NSD2: variants seen among roughly 807,000 people sequenced by gnomAD.
NSD2 encodes the protein histone-lysine N-methyltransferase NSD2.
In NSD2, 12 loss-of-function variants were observed where a neutral mutation model predicts 139.0. The observed-to-expected ratio is 0.09, with a 90% CI of 0.06 to 0.14. The LOEUF (loss-of-function observed/expected upper bound fraction) is 0.14, where lower values mean the gene tolerates loss of function less well. Ranked by LOEUF, NSD2 falls within the 10% of genes least tolerant of loss-of-function variation. The pLI is 1.00. For missense variants in NSD2, 1,155 were observed against 1,745.0 expected (o/e 0.66, Z 6.02); for synonymous variants, 669 against 648.7 (o/e 1.03, Z -0.48).
At position 1,974,849 on chromosome 4, in the gene NSD2, ACT is replaced by A; in HGVS notation, c.3373-13_3373-12del. 2 of 1,614,066 alleles carry A rather than the reference ACT, an allele frequency of 1.2e-6. No homozygotes were observed. The highest frequency in any genetic ancestry group is 2.2e-5 in the South Asian group (2 of 91,074). On this transcript the variant is annotated splice_polypyrimidine_tract_variant and intron_variant, in intron 18 of 21. Coordinates refer to ENST00000508803, the MANE Select transcript of NSD2 (RefSeq NM_001042424.3). This position sits in a 1 kb window ranked among gnomAD's most constrained non-coding sequence, Gnocchi z 4.0. ...TTGCTAACACTTGACCGAATATATCACTTGACCTTACAGGACCGTATAATAGA... is the reference window on the plus strand; with the variant it reads ...TTGCTAACACTTGACCGAATATATCATGACCTTACAGGACCGTATAATAGA...
Position 1,974,754 on chromosome 4 carries a change from TACA to T in NSD2, c.3373-104_3373-102del, listed in dbSNP as rs769788717. 2.1e-5 allele frequency: 31 copies of T among 1,504,120 alleles called. No homozygotes were observed. Among genetic ancestry groups the T allele is most frequent in the South Asian group, 1.9e-4 (17 of 87,978 alleles). 93.2% of individuals were successfully genotyped at this position (1,504,120 alleles called of 1,614,324 possible). Reference sequence around the variant, plus strand: ...GGACACAGGACACCACGGTTTTCAGTACAACAAGGAACACAACTTGTTCAATGT... The same window carrying T: ...GGACACAGGACACCACGGTTTTCAGTACAAGGAACACAACTTGTTCAATGT... On this transcript the variant is annotated intron_variant, in intron 18 of 21. Transcript: ENST00000508803. This position sits in a 1 kb window ranked among gnomAD's most constrained non-coding sequence, Gnocchi z 4.0.
At position 1,948,475 on chromosome 4, in the gene NSD2, C is replaced by T; in HGVS notation, c.1882-2597C>T. 9.4e-7 allele frequency: 1 copy of T among 1,065,530 alleles called. No homozygotes were observed. The highest frequency in any genetic ancestry group is 1.1e-6 in the Non-Finnish European group (1 of 878,516). 66.0% of individuals were successfully genotyped at this position (1,065,530 alleles called of 1,614,324 possible). A position where few individuals can be genotyped will look rare whatever the true frequency, so the allele number is the denominator to read the frequency against. On this transcript the variant is annotated intron_variant, in intron 9 of 21. Transcript: ENST00000508803. The surrounding 1 kb of genome is among the most constrained non-coding windows in gnomAD (Gnocchi z 4.5). ...CTGTGGGACGCCCTCGTACTTTGCT[C>T]TCCTTGCGGGTGGTTGCCGAGCCGA... is the stretch of plus-strand genomic sequence containing the variant.
chr4:1,925,389 C>CTTTTTTTTTTTTTTTTTT (rs34335852), intron 5 of NSD2, among the ~76,000 whole-genome samples: 5 of 37,998 alleles, frequency 1.3e-4, no homozygotes, highest in East Asian at 1.2e-3. Context: ...CTTTTTCTTT[C>CTTTTTTTTTTTTTTTTTT]TTTTTTTTTT....
chr4:1,952,828 C>T (rs1724419190), intron 11 of NSD2: 1 of 1,216,922 alleles, frequency 8.2e-7, no homozygotes, highest in East Asian at 3.9e-5. Flanking sequence ...CCTGCCTACT[C>T]ACCGGGCCCA....
rs966078284 is a variant in NSD2, at chr4:1,974,089, C to T, written c.3373-774C>T. On this transcript the variant is annotated intron_variant, in intron 18 of 21. Transcript: ENST00000508803. This position sits in a 1 kb window ranked among gnomAD's most constrained non-coding sequence, Gnocchi z 4.0. ...CCACCCCTCATCTCAGCCAACGCCA[C>T]ATCAGCGCCATGGGTGCAAAGTCAG... is the stretch of plus-strand genomic sequence containing the variant. Among the ~76,000 whole-genome samples the T allele has an allele frequency of 1.8e-4, 27 of 152,224 alleles. No homozygotes were observed. Among genetic ancestry groups the T allele is most frequent in the African/African-American group, 6.0e-4 (25 of 41,462 alleles).
At chr4:1,951,236 C>T (rs1488958624) in intron 10 of NSD2, 33 bp downstream of exon 10, 4 of 1,612,688 alleles carry the variant, frequency 2.5e-6, no homozygotes, top group Non-Finnish European at 3.4e-6. Flanking sequence ...TATGTCCGTG[C>T]TGGTGTCTGA....
At chr4:1,909,127 A>G (rs888260963) in intron 3 of NSD2, among the ~76,000 whole-genome samples, 2 of 152,046 alleles carry the variant, frequency 1.3e-5, no homozygotes, top group African/African-American at 4.8e-5. Context: ...CATTGTCCCA[A>G]ATTTGACCAG....
chr4:1,978,974 G>T lies in NSD2; in HGVS notation c.*65G>T. ...GGCGGCCGGCCCTGCCTGCGGGAGA[G>T]GGCGAGCATGAACTGGCCCGGAGGA... On this transcript the variant is annotated 3_prime_UTR_variant, in exon 22 of 22. Transcript: ENST00000508803. 1 of 1,439,144 alleles carries T rather than the reference G, an allele frequency of 6.9e-7. No homozygotes were observed. The highest frequency in any genetic ancestry group is 1.5e-5 in the South Asian group (1 of 66,104). The allele number at this position is 1,439,144 out of a possible 1,614,324, so 89.1% of individuals were successfully genotyped here.
chr4:1,896,068 G>T (rs1360812610), intron 1 of NSD2, among the ~76,000 whole-genome samples: 1 of 152,256 alleles, frequency 6.6e-6, no homozygotes, highest in Non-Finnish European at 1.5e-5. Flanking sequence ...AGGATGAGTG[G>T]TAGAGGCTCT....
chr4:1,961,903 A>G (rs1725411259), intron 18 of NSD2, among the ~76,000 whole-genome samples: 1 of 152,218 alleles, frequency 6.6e-6, no homozygotes, highest in Non-Finnish European at 1.5e-5. Flanking sequence ...AGGGAGATAG[A>G]ATACATGTTT....
In NSD2 at chr4:1,962,501, AACTT is replaced by A. The variant is rs1456320446; in HGVS notation, c.3372+1355_3372+1358del. Among the ~76,000 whole-genome samples, 5 of 152,346 alleles carry A rather than the reference AACTT, an allele frequency of 3.3e-5. No individual in the cohort carries two copies. In the East Asian group the frequency reaches 7.7e-4, roughly 23 times the overall value. On this transcript the variant is annotated intron_variant, in intron 18 of 21. Coordinates refer to ENST00000508803, the MANE Select transcript of NSD2 (RefSeq NM_001042424.3). The stretch of plus-strand genomic sequence containing the variant: ...TTAGGGTCAGATGTCAGATATTCGT[AACTT>A]ACTTTCAAAGGATCGGGAAAAAATT...
intron 5 of NSD2, among the ~76,000 whole-genome samples, chr4:1,921,614 TCTA>T (rs1452166900): frequency 6.6e-6 from 1 of 151,770 alleles, no homozygotes; most frequent in Non-Finnish European, 1.5e-5. Flanking sequence ...AAACCCCGTC[TCTA>T]CTAAAAATAC....
Position 1,973,290 on chromosome 4 carries a change from G to T in NSD2, c.3373-1573G>T, listed in dbSNP as rs190432487. Among the ~76,000 whole-genome samples the T allele has an allele frequency of 1.3e-5, 2 of 152,180 alleles. No individual in the cohort carries two copies. Among genetic ancestry groups the T allele is most frequent in the African/African-American group, 2.4e-5 (1 of 41,444 alleles). ...TAAGAAGGAAGTGGCACTGGGCCCC[G>T]CTGGTAATGGTAGGAATGTAGGTTA... On this transcript the variant is annotated intron_variant, in intron 18 of 21. Coordinates refer to ENST00000508803, the MANE Select transcript of NSD2 (RefSeq NM_001042424.3). This position sits in a 1 kb window ranked among gnomAD's most constrained non-coding sequence, Gnocchi z 5.5.
intron 1 of NSD2, among the ~76,000 whole-genome samples, chr4:1,889,505 T>A (rs1392053408): frequency 7.0e-6 from 1 of 143,644 alleles, no homozygotes; most frequent in Non-Finnish European, 1.5e-5. Flanking sequence ...AAGATTTGAC[T>A]TTTTTTTTTT....
At chr4:1,911,534 C>T (rs1436847155) in intron 3 of NSD2, among the ~76,000 whole-genome samples, 1 of 146,958 alleles carries the variant, frequency 6.8e-6, no homozygotes, top group Non-Finnish European at 1.5e-5. Context: ...GTTGCAGTGA[C>T]CCGAGATCGC....
chr4:1,976,369 C>A lies in NSD2; in HGVS notation c.3622-106C>A. 8.0e-7 allele frequency: 1 copy of A among 1,255,860 alleles called. No homozygotes were observed. The highest frequency in any genetic ancestry group is 1.1e-6 in the Non-Finnish European group (1 of 893,878). 77.8% of individuals were successfully genotyped at this position (1,255,860 alleles called of 1,614,324 possible). On this transcript the variant is annotated intron_variant, in intron 20 of 21. Coordinates refer to ENST00000508803, the MANE Select transcript of NSD2 (RefSeq NM_001042424.3). This position sits in a 1 kb window ranked among gnomAD's most constrained non-coding sequence, Gnocchi z 5.3. The stretch of plus-strand genomic sequence containing the variant: ...TCTCCTCTCCTCTTAGTGTTGGGCA[C>A]CTGCAGAGATCTCTGAAGTTCCTGG...
chr4:1,915,772 C>T (rs1377936326), intron 3 of NSD2, among the ~76,000 whole-genome samples: 1 of 152,112 alleles, frequency 6.6e-6, no homozygotes, highest in Non-Finnish European at 1.5e-5. Context: ...AGAGGTTTTT[C>T]CTCTGGAGCA....
chr4:1,911,908 T>C (rs1336985771), intron 3 of NSD2, among the ~76,000 whole-genome samples: 1 of 152,220 alleles, frequency 6.6e-6, no homozygotes, highest in Non-Finnish European at 1.5e-5. Context: ...GTAAGGAGCA[T>C]TTATCTGTGT....
At position 1,981,333 on chromosome 4, in the gene NSD2, C is replaced by A. The variant is rs1012557429; in HGVS notation, c.*2424C>A. 3 of 233,422 alleles carry A rather than the reference C, an allele frequency of 1.3e-5. No individual in the cohort carries two copies. Among genetic ancestry groups the A allele is most frequent in the Non-Finnish European group, 2.5e-5 (3 of 118,146 alleles). 14.5% of individuals were successfully genotyped at this position (233,422 alleles called of 1,614,324 possible). A position where few individuals can be genotyped will look rare whatever the true frequency, so the allele number is the denominator to read the frequency against. On this transcript the variant is annotated 3_prime_UTR_variant, in exon 22 of 22. Transcript: ENST00000508803. ...CTTGCAGGGTTTCTCGCCACTGGGG[C>A]TGACCACGCCCCCAGCTGTGACCGT...
Sources: gnomAD v4.1 joint callset for allele counts (sites outside exome capture counted in the v4.1 genomes callset) on GRCh38, gnomAD v4.1.1 for gene constraint, Gnocchi (gnomAD v3.1) non-coding constraint, MANE v1.5 for transcripts, NCBI Gene and HGNC (gene_info 2026-07-23, HGNC 2026-07-21) for gene names.